CLEC20A: variants seen among roughly 807,000 people sequenced by gnomAD.
CLEC20A encodes the protein putative C-type lectin domain family 20 member A.
chr1:178,490,183 C>A, exon 4 of CLEC20A: 1 of 398,808 alleles, frequency 2.5e-6, no homozygotes, highest in East Asian at 3.6e-5. Flanking sequence ...ATCATCGGCA[C>A]CTGCAGCCAG....
At position 178,488,486 on chromosome 1, in the gene CLEC20A, G is replaced by A. The variant is rs1472462522; in HGVS notation, c.928+15C>T. The A allele has an allele frequency of 1.0e-5, 4 of 398,788 alleles. No individual in the cohort carries two copies. The highest frequency in any genetic ancestry group is 1.8e-5 in the Non-Finnish European group (4 of 226,148). 24.7% of individuals were successfully genotyped at this position (398,788 alleles called of 1,614,324 possible). On this transcript the variant is annotated intron_variant, in intron 5 of 7. Transcript: ENST00000623247. ...CCTGAAGACCCAGATCCAGCCAAGG[G>A]CAGGCTCAAAGCACCTCTGCCTGGC...
chr1:178,484,246 A>G (rs1284782996), intron 5 of CLEC20A: 1 of 152,216 alleles, frequency 6.6e-6, no homozygotes, highest in Non-Finnish European at 1.5e-5. Flanking sequence ...AAGATTATGC[A>G]CATGTTAAAA....
chr1:178,484,490 CG>C (rs1469914446), intron 5 of CLEC20A: 5 of 151,682 alleles, frequency 3.3e-5, no homozygotes, highest in African/African-American at 1.2e-4. Flanking sequence ...AGTTCAAGGC[CG>C]GCTGTGCAAC....
chr1:178,489,653 T>C (rs1196345377), intron 4 of CLEC20A, among the ~76,000 whole-genome samples: 1 of 152,134 alleles, frequency 6.6e-6, no homozygotes, highest in African/African-American at 2.4e-5. Flanking sequence ...CTCATTCAGC[T>C]CTCAAAGACA....
chr1:178,495,519 C>T (rs1295027363), intron 1 of CLEC20A, among the ~76,000 whole-genome samples: 1 of 152,126 alleles, frequency 6.6e-6, no homozygotes, highest in Non-Finnish European at 1.5e-5. Context: ...TTTTTAAAAG[C>T]TTTTAGGGAA....
chr1:178,479,408 A>G (rs1351708956), exon 8 of CLEC20A: 1 of 391,514 alleles, frequency 2.6e-6, no homozygotes, highest in South Asian at 1.4e-4. Context: ...TGTTAGTTGT[A>G]GGTCTGTGCT....
chr1:178,494,240 G>T (rs1649335400), intron 2 of CLEC20A, among the ~76,000 whole-genome samples: 1 of 152,104 alleles, frequency 6.6e-6, no homozygotes, highest in Non-Finnish European at 1.5e-5. Flanking sequence ...ATTAAGGTTG[G>T]TTTTTTGTTT....
exon 4 of CLEC20A, chr1:178,490,313 C>G (rs1434178508): frequency 5.0e-6 from 2 of 398,588 alleles, no homozygotes; most frequent in African/African-American, 2.1e-5. Context: ...CCTTGCCTGT[C>G]TCATCCGTCA....
intron 3 of CLEC20A, among the ~76,000 whole-genome samples, chr1:178,491,008 G>A (rs973954284): frequency 8.5e-5 from 13 of 152,202 alleles, no homozygotes. Context: ...GGAGAGCCAG[G>A]GAGAAGAGGC....
chr1:178,497,169 T>G (rs901089181), upstream of CLEC20A: 9 of 392,194 alleles, frequency 2.3e-5, no homozygotes, highest in African/African-American at 6.2e-5. Context: ...GCCTGGAGGA[T>G]GCGGAAGAGA....
chr1:178,486,111 T>G (rs543695755), intron 5 of CLEC20A, among the ~76,000 whole-genome samples: 4 of 152,288 alleles, frequency 2.6e-5, no homozygotes, highest in Non-Finnish European at 5.9e-5. Context: ...GACTCTTGCT[T>G]TTAGAACCAA....
intron 3 of CLEC20A, among the ~76,000 whole-genome samples, chr1:178,492,109 C>T (rs1163616778): frequency 1.4e-5 from 2 of 146,720 alleles, no homozygotes; most frequent in Non-Finnish European, 2.9e-5. Flanking sequence ...CATGGCAAAA[C>T]CCCATCTCTA....
intron 5 of CLEC20A, chr1:178,486,565 T>C: frequency 2.5e-6 from 1 of 398,570 alleles, no homozygotes; most frequent in Non-Finnish European, 4.4e-6. Flanking sequence ...CGAGATGCTT[T>C]CTTTGGTCCC....
At chr1:178,490,917 C>T (rs573703589) in intron 3 of CLEC20A, among the ~76,000 whole-genome samples, 2 of 152,284 alleles carry the variant, frequency 1.3e-5, no homozygotes, top group African/African-American at 4.8e-5. Flanking sequence ...AGGGGCGGTG[C>T]CTGCCCCCAC....
chr1:178,481,911 CACCA>C (rs2102995746), intron 7 of CLEC20A: 1 of 157,710 alleles, frequency 6.3e-6, no homozygotes, highest in African/African-American at 2.4e-5. Context: ...TTAATCATAA[CACCA>C]ACCATGTGAG....
rs535993163 is a variant in CLEC20A at position 178,484,504 on chromosome 1, G to A, written c.929-1222C>T. ...GAGTTCAAGGCCGGCTGTGCAACAT[G>A]ACGAGATCCTGTCTTTAAAAAAAAA... On this transcript the variant is annotated intron_variant, in intron 5 of 7. Transcript: ENST00000623247. 3 of 151,844 alleles carry A rather than the reference G, an allele frequency of 2.0e-5. No individual in the cohort carries two copies. The East Asian group carries it at 5.8e-4, about 29-fold the overall frequency. The allele number at this position is 151,844 out of a possible 1,614,324, so 9.4% of individuals were successfully genotyped here. A position where few individuals can be genotyped will look rare whatever the true frequency, so the allele number is the denominator to read the frequency against.
intron 6 of CLEC20A, 107 bp from the exon 7 acceptor site, chr1:178,482,504 T>C (rs1182123319): frequency 5.0e-6 from 2 of 396,960 alleles, no homozygotes; most frequent in Non-Finnish European, 8.9e-6. Context: ...ACATGTTGAT[T>C]TGGGATTTCA....
At chr1:178,479,844 G>T in intron 7 of CLEC20A, 1 of 289,852 alleles carries the variant, frequency 3.5e-6, no homozygotes, top group Non-Finnish European at 6.3e-6. Flanking sequence ...CACTAAAACA[G>T]ATGACTAAAT....
chr1:178,479,432 C>T (rs1648885962), exon 8 of CLEC20A: 1 of 393,152 alleles, frequency 2.5e-6, no homozygotes, highest in South Asian at 1.4e-4. Flanking sequence ...TGGCACATGT[C>T]GAGTTCTTCC....
Sources: gnomAD v4.1 joint callset for allele counts (sites outside exome capture counted in the v4.1 genomes callset) on GRCh38, gnomAD v4.1.1 for gene constraint, MANE v1.5 for transcripts, NCBI Gene and HGNC (gene_info 2026-07-23, HGNC 2026-07-21) for gene names.